UBE2N: variants seen among roughly 807,000 people sequenced by gnomAD.
The protein encoded by UBE2N is ubiquitin-conjugating enzyme E2 N.
For synonymous variants in UBE2N, 70 were observed against 69.2 expected, an observed-to-expected ratio of 1.01 and a Z score of -0.06; for missense variants, 60 against 192.1, an observed-to-expected ratio of 0.31 and a Z score of 4.07.
intron 1 of UBE2N, among the ~76,000 whole-genome samples, chr12:93,433,789 T>C (rs977700390): frequency 2.6e-5 from 4 of 152,250 alleles, no homozygotes; most frequent in Non-Finnish European, 5.9e-5. Context: ...GCATCCATAG[T>C]TCATTATAAC....
chr12:93,415,717 T>C (rs889235177), intron 1 of UBE2N, among the ~76,000 whole-genome samples: 1 of 152,152 alleles, frequency 6.6e-6, no homozygotes, highest in Non-Finnish European at 1.5e-5. Flanking sequence ...CAGGTCTTCA[T>C]GTTTTTAGAA....
At chr12:93,422,731 T>C (rs1262571869) in intron 1 of UBE2N, among the ~76,000 whole-genome samples, 1 of 152,210 alleles carries the variant, frequency 6.6e-6, no homozygotes, top group African/African-American at 2.4e-5. Flanking sequence ...GGGTTTTTTC[T>C]TTCATAAAAT....
chr12:93,412,773 G>A (rs1043462303), intron 1 of UBE2N, among the ~76,000 whole-genome samples: 1 of 152,190 alleles, frequency 6.6e-6, no homozygotes, highest in African/African-American at 2.4e-5. Context: ...GGAATGCTGA[G>A]AAAGGTAAAA....
intron 1 of UBE2N, among the ~76,000 whole-genome samples, chr12:93,441,582 C>A (rs1012781626): frequency 2.0e-5 from 3 of 152,036 alleles, no homozygotes; most frequent in African/African-American, 4.8e-5. Context: ...CCCCACCCTC[C>A]GCCGGGGCGT....
In UBE2N at chr12:93,419,786, C is replaced by T. The variant is rs149593485; in HGVS notation, c.31-8487G>A. ...ACCAAAGTTAGCACCTACCTAAACA[C>T]GTCCTTGAAAAAGACCTATAGATTC... is the stretch of plus-strand genomic sequence containing the variant. On this transcript the variant is annotated intron_variant, in intron 1 of 3. Transcript: ENST00000318066. 1.6e-3 allele frequency among the ~76,000 whole-genome samples: 244 copies of T among 152,272 alleles called. 1 individual carries two copies. The highest frequency in any genetic ancestry group is 3.4e-3 in the Middle Eastern group (1 of 294).
At chr12:93,428,573 C>T (rs929637389) in intron 1 of UBE2N, among the ~76,000 whole-genome samples, 1 of 152,202 alleles carries the variant, frequency 6.6e-6, no homozygotes, top group African/African-American at 2.4e-5. Flanking sequence ...TTTTGTCTCC[C>T]ATTCTACCCA....
chr12:93,416,105 C>G (rs1878199125), intron 1 of UBE2N, among the ~76,000 whole-genome samples: 1 of 152,132 alleles, frequency 6.6e-6, no homozygotes, highest in African/African-American at 2.4e-5. Flanking sequence ...TTCTAATGGA[C>G]TGACACAAAA....
chr12:93,435,672 A>G (rs1369986260), intron 1 of UBE2N, among the ~76,000 whole-genome samples: 3 of 152,196 alleles, frequency 2.0e-5, no homozygotes, highest in Non-Finnish European at 4.4e-5. Context: ...CTTACAAAAA[A>G]AAATACCTTA....
At chr12:93,433,222 C>T (rs373276334) in intron 1 of UBE2N, among the ~76,000 whole-genome samples, 2 of 152,074 alleles carry the variant, frequency 1.3e-5, no homozygotes, top group African/African-American at 4.8e-5. Context: ...CGTGAGCCAC[C>T]GCGCCTGGCC....
intron 1 of UBE2N, among the ~76,000 whole-genome samples, chr12:93,425,510 C>T (rs1878553317): frequency 6.6e-6 from 1 of 152,186 alleles, no homozygotes; most frequent in African/African-American, 2.4e-5. Context: ...AGGCCTGTGT[C>T]TAACATTTGC....
rs1877984162 is a variant in UBE2N at position 93,409,900 on chromosome 12, T to C, written c.*139A>G. 1 of 786,060 alleles carries C rather than the reference T, an allele frequency of 1.3e-6. No homozygotes were observed. Among genetic ancestry groups the C allele is most frequent in the African/African-American group, 1.8e-5 (1 of 56,130 alleles). The allele number at this position is 786,060 out of a possible 1,614,324, so 48.7% of individuals were successfully genotyped here. On this transcript the variant is annotated 3_prime_UTR_variant, in exon 4 of 4. Transcript: ENST00000318066. ...CAAGACATAGATTTGCTAATGTGCATTTAATCACCAAAGGACTGAAGATGT... is the reference window on the plus strand; with the variant it reads ...CAAGACATAGATTTGCTAATGTGCACTTAATCACCAAAGGACTGAAGATGT...
rs1877905358 is a variant in UBE2N, at chr12:93,407,926, A to T, written c.*2113T>A. The T allele has an allele frequency of 6.6e-6, 1 of 152,112 alleles. No homozygotes were observed. The highest frequency in any genetic ancestry group is 1.5e-5 in the Non-Finnish European group (1 of 67,976). 9.4% of individuals were successfully genotyped at this position (152,112 alleles called of 1,614,324 possible). A position where few individuals can be genotyped will look rare whatever the true frequency, so the allele number is the denominator to read the frequency against. On this transcript the variant is annotated 3_prime_UTR_variant, in exon 4 of 4. Transcript: ENST00000318066. Reference sequence around the variant, plus strand: ...CTTACCAAAACTGCAAAGGAAAAAAATATGATACCATGAAATTAGAAATTC... The same window carrying T: ...CTTACCAAAACTGCAAAGGAAAAAATTATGATACCATGAAATTAGAAATTC...
intron 1 of UBE2N, among the ~76,000 whole-genome samples, chr12:93,432,417 T>TA (rs1304261220): frequency 2.7e-5 from 4 of 150,682 alleles, no homozygotes; most frequent in Non-Finnish European, 5.9e-5. Context: ...CCTATGTTAC[T>TA]AAAACCACTT....
At chr12:93,425,842 G>C (rs1388165225) in intron 1 of UBE2N, among the ~76,000 whole-genome samples, 1 of 152,136 alleles carries the variant, frequency 6.6e-6, no homozygotes. Flanking sequence ...AGAGATACCA[G>C]CCTTATCACT....
At chr12:93,434,947 C>T (rs1878889042) in intron 1 of UBE2N, among the ~76,000 whole-genome samples, 3 of 151,924 alleles carry the variant, frequency 2.0e-5, no homozygotes, top group Admixed American at 2.0e-4. Context: ...CTCTATTACC[C>T]AGGCTGGGGT....
At chr12:93,418,355 T>C (rs1322795690) in intron 1 of UBE2N, among the ~76,000 whole-genome samples, 3 of 151,416 alleles carry the variant, frequency 2.0e-5, no homozygotes, top group Non-Finnish European at 3.0e-5. Context: ...TAGTGAGACC[T>C]TGTCTCTTAA....
Position 93,408,413 on chromosome 12 carries a change from T to G in UBE2N, c.*1626A>C, listed in dbSNP as rs1286326689. 1.3e-5 allele frequency: 2 copies of G among 152,166 alleles called. No homozygotes were observed. Among genetic ancestry groups the G allele is most frequent in the Admixed American group, 1.3e-4 (2 of 15,288 alleles). The allele number at this position is 152,166 out of a possible 1,614,324, so 9.4% of individuals were successfully genotyped here. A position where few individuals can be genotyped will look rare whatever the true frequency, so the allele number is the denominator to read the frequency against. ...TTAATAGTTAATTCTTCATCTTACA[T>G]AGGAGCACAATAAAATACACCACAA... On this transcript the variant is annotated 3_prime_UTR_variant, in exon 4 of 4. Transcript: ENST00000318066.
chr12:93,441,249 C>G (rs1879097102), intron 1 of UBE2N: 1 of 152,252 alleles, frequency 6.6e-6, no homozygotes, highest in African/African-American at 2.4e-5. Flanking sequence ...TCCCGGGACC[C>G]AGGCAGCCGC....
chr12:93,438,621 C>G (rs193062716), intron 1 of UBE2N, among the ~76,000 whole-genome samples: 4 of 152,180 alleles, frequency 2.6e-5, no homozygotes, highest in Admixed American at 1.3e-4. Flanking sequence ...TGGAGAACCT[C>G]TACAGTTTTT....
Sources: gnomAD v4.1 joint callset for allele counts (sites outside exome capture counted in the v4.1 genomes callset) on GRCh38, gnomAD v4.1.1 for gene constraint, MANE v1.5 for transcripts, NCBI Gene and HGNC (gene_info 2026-07-23, HGNC 2026-07-21) for gene names.